The following CFAP43 variants were observed in gnomAD, a reference collection of about 807,000 sequenced individuals.
CFAP43 encodes the protein cilia- and flagella-associated protein 43.
Under a neutral mutation model 218.9 loss-of-function variants are expected in CFAP43, and 155 were observed. That is an observed-to-expected ratio of 0.71 (90% CI 0.62 to 0.81). The LOEUF (loss-of-function observed/expected upper bound fraction) is 0.81. Among genes scored for constraint, CFAP43 ranks in the 30% least tolerant of loss-of-function variants. The pLI, the probability that CFAP43 is intolerant of heterozygous loss-of-function variation, is 0.00. For synonymous variants in CFAP43, 645 were observed against 681.3 expected (o/e 0.95, Z 0.83); for missense variants, 1,778 against 1,954.3 (o/e 0.91, Z 1.70).
rs530208191 is a variant in CFAP43 at position 104,216,981 on chromosome 10, G to A, written c.417-2555C>T. ...GTCCCTTCCATTGATATTCCTCAAG[G>A]TTCCACCCTAGGCTCTTCTTGAGGT... is the stretch of plus-strand genomic sequence containing the variant. On this transcript the variant is annotated intron_variant, in intron 3 of 37. Transcript: ENST00000357060. Among the ~76,000 whole-genome samples, 4 of 152,234 alleles carry A rather than the reference G, an allele frequency of 2.6e-5. No individual in the cohort carries two copies. The South Asian group carries it at 6.2e-4, about 24-fold the overall frequency.
Position 104,160,955 on chromosome 10 carries a change from C to T in CFAP43, c.3540+82G>A, listed in dbSNP as rs892258076. 16 of 1,359,478 alleles carry T rather than the reference C, an allele frequency of 1.2e-5. No homozygotes were observed. In the East Asian group the frequency reaches 1.2e-4, roughly 10 times the overall value. The allele number at this position is 1,359,478 out of a possible 1,614,324, so 84.2% of individuals were successfully genotyped here. On this transcript the variant is annotated intron_variant, in intron 27 of 37. Transcript: ENST00000357060. ...ACTGTCCTTAAGCTATTAAAGATATCGACAAAGTAGAAAACATTTGAAAAG... is the reference window on the plus strand; with the variant it reads ...ACTGTCCTTAAGCTATTAAAGATATTGACAAAGTAGAAAACATTTGAAAAG...
intron 34 of CFAP43, among the ~76,000 whole-genome samples, chr10:104,140,002 G>A (rs560034933): frequency 4.6e-5 from 7 of 152,076 alleles, no homozygotes; most frequent in African/African-American, 7.2e-5. Context: ...TAAATAACAC[G>A]CTTTTAAATA....
chr10:104,192,217 GA>G lies in CFAP43; in HGVS notation c.1527del (p.Gln510ArgfsTer21), dbSNP rs773895679. On this transcript the variant is annotated frameshift_variant, in exon 12 of 38. Coordinates refer to ENST00000357060, the MANE Select transcript of CFAP43 (RefSeq NM_025145.7). LOFTEE classifies it high-confidence loss of function. Reference sequence around the variant, plus strand: ...GTTGTACCTGTGAATCCAATAATCTGAAATGAGCTTGAGGAGTTGGCATTGA... The same window carrying G: ...GTTGTACCTGTGAATCCAATAATCTGAATGAGCTTGAGGAGTTGGCATTGA... ...FIINANSSSS[F>X]QIIGFTEVAK... 1.2e-6 allele frequency: 2 copies of G among 1,611,400 alleles called. No individual in the cohort carries two copies. The highest frequency in any genetic ancestry group is 1.7e-6 in the Non-Finnish European group (2 of 1,178,596).
In CFAP43 at chr10:104,145,497, T is replaced by C. The variant is rs1377604140; in HGVS notation, c.3923A>G (p.Lys1308Arg). ...IPGHQVDILY[K>R]LFKRRPRISK... is the part of the protein sequence containing the mutation. ...AAACCTTGGTCGGCGTTTAAAAAGT[T>C]TGTAGAGTATATCCACTTGATGACC... The change falls in exon 31 of 38, where the codon AAA becomes AGA. Residue 1308 changes from lysine (K) to arginine (R), a missense_variant. Lys to Arg is a conservative substitution (Grantham distance 26, BLOSUM62 2). Coordinates refer to ENST00000357060, the MANE Select transcript of CFAP43 (RefSeq NM_025145.7). 5 of 1,602,194 alleles carry C rather than the reference T, an allele frequency of 3.1e-6. No individual in the cohort carries two copies. Among genetic ancestry groups the C allele is most frequent in the Non-Finnish European group, 4.3e-6 (5 of 1,171,320 alleles).
chr10:104,133,360 G>A, intron 35 of CFAP43: 1 of 304,408 alleles, frequency 3.3e-6, no homozygotes, highest in Non-Finnish European at 6.0e-6. Flanking sequence ...ATGGTTAAAT[G>A]CTACAGAGAA....
At chr10:104,148,072 T>G (rs1207421107) in intron 28 of CFAP43, 74 bp from the exon 29 acceptor site, 26 of 889,954 alleles carry the variant, frequency 2.9e-5, no homozygotes, top group Non-Finnish European at 3.9e-5. Context: ...GACTTGGCAC[T>G]AATCAAGCAA....
At chr10:104,216,003 A>C (rs1564808716) in intron 3 of CFAP43, among the ~76,000 whole-genome samples, 1 of 151,868 alleles carries the variant, frequency 6.6e-6, no homozygotes, top group Non-Finnish European at 1.5e-5. Flanking sequence ...CTCTAGCCTG[A>C]CTTCTTCCTG....
In CFAP43 at chr10:104,133,783, G is replaced by C; in HGVS notation, c.4433C>G (p.Thr1478Ser). 1 of 1,601,718 alleles carries C rather than the reference G, an allele frequency of 6.2e-7. No individual in the cohort carries two copies. Among genetic ancestry groups the C allele is most frequent in the Non-Finnish European group, 8.5e-7 (1 of 1,175,528 alleles). ...IIEDLNSVIRTQGQKKVASMM... is the reference protein window; with the variant it reads ...IIEDLNSVIRSQGQKKVASMM... ...GCTAGCAACTTTCTTTTGTCCTTGAGTCTTTAAAAAAGTACATTAGATATC... is the reference window on the plus strand; with the variant it reads ...GCTAGCAACTTTCTTTTGTCCTTGACTCTTTAAAAAAGTACATTAGATATC... The change falls in exon 35 of 38, where the codon ACT (threonine) becomes AGT (serine). Residue 1478 changes from threonine (T) to serine (S), a missense_variant and splice_region_variant. Physicochemically the swap from Thr to Ser is moderately conservative, Grantham distance 58. This residue lies in a region of CFAP43 where 211 missense variants were observed against 230.6 expected (regional missense o/e 0.91). Coordinates refer to ENST00000357060, the MANE Select transcript of CFAP43 (RefSeq NM_025145.7).
chr10:104,196,531 C>G (rs2090386044), intron 10 of CFAP43, among the ~76,000 whole-genome samples: 1 of 152,208 alleles, frequency 6.6e-6, no homozygotes, highest in African/African-American at 2.4e-5. Flanking sequence ...GCCTGGCTCC[C>G]TGAGAGACTG....
Position 104,132,194 on chromosome 10 carries a change from G to A in CFAP43, c.4599C>T (p.Tyr1533=). The A allele has an allele frequency of 6.3e-7, 1 of 1,581,908 alleles. No homozygotes were observed. The highest frequency in any genetic ancestry group is 1.4e-5 in the African/African-American group (1 of 73,466). ...GAGCCTCATAGTTTGGTTCATTTAG[G>A]TACTTTGAGATTAAAAAAAAACATG... ...MLFFSRDRQK[Y]LNEPNYEALI... The change falls in exon 36 of 38, where the codon TAC becomes TAT. Residue 1533 remains tyrosine (Y), a splice_region_variant and synonymous_variant. Transcript: ENST00000357060.
intron 33 of CFAP43, 94 bp downstream of exon 33, chr10:104,142,187 G>T: frequency 1.0e-6 from 1 of 973,764 alleles, no homozygotes. Flanking sequence ...TGGCTGTAAA[G>T]CAGTCAGTAG....
chr10:104,137,800 C>G (rs906360603), intron 34 of CFAP43, among the ~76,000 whole-genome samples: 3 of 151,824 alleles, frequency 2.0e-5, no homozygotes, highest in Non-Finnish European at 4.4e-5. Context: ...GACCCTGTCT[C>G]AAAAAACAAA....
At position 104,205,964 on chromosome 10, in the gene CFAP43, A is replaced by C. The variant is rs1452874149; in HGVS notation, c.962T>G (p.Ile321Ser). ...AATTTGAAAAAAAGAATACATTACA[A>C]TTCCAGAAGCCAGCACGCCCTCCTT... Reference protein sequence around the residue: ...YQKEGVLASGIDGFVYSFIIK... With the variant: ...YQKEGVLASGSDGFVYSFIIK... The change falls in exon 7 of 38, where the codon ATT (isoleucine) becomes AGT (serine). Residue 321 changes from isoleucine to serine, a missense_variant and splice_region_variant. By Grantham distance (142) the Ile-to-Ser change is moderately radical (BLOSUM62 -2). Around this residue, in one of 3 missense-constraint regions of CFAP43, gnomAD observed 1,553 missense variants for 1,685.2 expected, o/e 0.92. Coordinates refer to ENST00000357060, the MANE Select transcript of CFAP43 (RefSeq NM_025145.7). 1 of 1,605,882 alleles carries C rather than the reference A, an allele frequency of 6.2e-7. No homozygotes were observed. Among genetic ancestry groups the C allele is most frequent in the South Asian group, 1.1e-5 (1 of 88,582 alleles).
At position 104,164,219 on chromosome 10, in the gene CFAP43, C is replaced by T. The variant is rs372266010; in HGVS notation, c.3121G>A (p.Val1041Met). 56 of 1,613,888 alleles carry T rather than the reference C, an allele frequency of 3.5e-5. No individual in the cohort carries two copies. Among genetic ancestry groups the T allele is most frequent in the South Asian group, 5.5e-5 (5 of 91,048 alleles). The change falls in exon 24 of 38, where the codon GTG becomes ATG. Residue 1041 changes from valine (V) to methionine (M), a missense_variant. Physicochemically the swap from Val to Met is conservative, Grantham distance 21. Transcript: ENST00000357060. ...CGAATTCGAACATTTCTTTCCTTCA[C>T]GCGTGCAATTTCAAACTCTTTTTGT... ...YKQKEFEIAR[V>M]KERNVRIREI... is the part of the protein sequence containing the mutation.
chr10:104,182,615 G>A, intron 16 of CFAP43, 102 bp from the exon 17 acceptor site: 2 of 1,139,504 alleles, frequency 1.8e-6, no homozygotes, highest in South Asian at 2.4e-5. Context: ...TCAGTTTATA[G>A]GTAACTAACC....
intron 35 of CFAP43, chr10:104,133,362 T>C (rs1164678914): frequency 6.2e-6 from 2 of 322,958 alleles, no homozygotes; most frequent in South Asian, 8.6e-5. Context: ...GGTTAAATGC[T>C]ACAGAGAATT....
In CFAP43 at chr10:104,179,532, T is replaced by A. The variant is rs908189350; in HGVS notation, c.2382+308A>T. Among the ~76,000 whole-genome samples, 22 of 152,306 alleles carry A rather than the reference T, an allele frequency of 1.4e-4. 1 individual carries two copies. The highest frequency in any genetic ancestry group is 5.3e-4 in the African/African-American group (22 of 41,578). The stretch of plus-strand genomic sequence containing the variant: ...TCCACAGGACAGAGGAAGACAAGCA[T>A]CCCCTAAAACTCACTCCACGGTGGA... On this transcript the variant is annotated intron_variant, in intron 18 of 37. Transcript: ENST00000357060.
rs1335989822 is a variant in CFAP43, at chr10:104,214,156, T to C, written c.584+103A>G. 60 of 1,102,030 alleles carry C rather than the reference T, an allele frequency of 5.4e-5. No homozygotes were observed. In the African/African-American group the frequency reaches 8.2e-4, roughly 15 times the overall value. 68.3% of individuals were successfully genotyped at this position (1,102,030 alleles called of 1,614,324 possible). A position where few individuals can be genotyped will look rare whatever the true frequency, so the allele number is the denominator to read the frequency against. On this transcript the variant is annotated intron_variant, in intron 4 of 37. Transcript: ENST00000357060. ...GTGTGTATGTGTGTGTATGCATATA[T>C]ATGTATGTATAAAGCCACTTAATTC...
At chr10:104,183,455 T>A (rs1185366893) in intron 16 of CFAP43, among the ~76,000 whole-genome samples, 1 of 147,484 alleles carries the variant, frequency 6.8e-6, no homozygotes, top group Non-Finnish European at 1.5e-5. Flanking sequence ...AGTGGTGCAA[T>A]CTCGGCTCAC....
Sources: gnomAD v4.1 joint callset for allele counts (sites outside exome capture counted in the v4.1 genomes callset) on GRCh38, gnomAD v4.1.1 for gene constraint, gnomAD v4.1.1 regional missense constraint, MANE v1.5 for transcripts, NCBI Gene and HGNC (gene_info 2026-07-23, HGNC 2026-07-21) for gene names.